SLC25A26: variants seen among roughly 807,000 people sequenced by gnomAD.
SLC25A26 encodes solute carrier family 25 member 26.
A neutral mutation model predicts 37.8 loss-of-function variants in SLC25A26; 36 were observed. The ratio of observed to expected loss-of-function variants is 0.95; its 90% CI spans 0.73 to 1.26. SLC25A26 has a LOEUF of 1.26. Among genes scored for constraint, SLC25A26 ranks in the 50% most tolerant of loss-of-function variants. SLC25A26 has a pLI of 0.00. For missense variants in SLC25A26, 390 were observed against 331.1 expected (o/e 1.18, Z -1.38); for synonymous variants, 129 against 122.5 (o/e 1.05, Z -0.35).
intron 3 of SLC25A26, among the ~76,000 whole-genome samples, chr3:66,257,847 C>T (rs925102063): frequency 1.3e-5 from 2 of 152,096 alleles, no homozygotes; most frequent in Non-Finnish European, 2.9e-5. Flanking sequence ...TAATGGATCT[C>T]CCACCCCAGC....
upstream of SLC25A26, among the ~76,000 whole-genome samples, chr3:66,217,715 A>T (rs1559581126): frequency 6.6e-6 from 1 of 151,732 alleles, no homozygotes; most frequent in East Asian, 1.9e-4. Flanking sequence ...CACTCAGCTA[A>T]TTTTTTCTAT....
intron 5 of SLC25A26, among the ~76,000 whole-genome samples, chr3:66,274,168 A>C (rs2074051462): frequency 6.6e-6 from 1 of 151,360 alleles, no homozygotes. Context: ...CCTATTTAAT[A>C]AATGGTGCTG....
chr3:66,335,619 C>T (rs958484137), intron 5 of SLC25A26, among the ~76,000 whole-genome samples: 5 of 152,158 alleles, frequency 3.3e-5, no homozygotes, highest in Non-Finnish European at 7.4e-5. Flanking sequence ...CCTTTCTTTG[C>T]CTTTCCTCCA....
rs201215555 is a variant in SLC25A26, at chr3:66,346,387, T to A, written c.477T>A (p.Phe159Leu). 8.7e-6 allele frequency: 13 copies of A among 1,492,984 alleles called. No homozygotes were observed. The highest frequency in any genetic ancestry group is 2.7e-6 in the Non-Finnish European group (3 of 1,117,302). The allele number at this position is 1,492,984 out of a possible 1,614,324, so 92.5% of individuals were successfully genotyped here. A position where few individuals can be genotyped will look rare whatever the true frequency, so the allele number is the denominator to read the frequency against. ...AGATTCCTTTTTCTTTGGTCCAGTT[T>A]CCCTTATGGGAGTCCTTAAAAGTAA... ...LREIPFSLVQ[F>L]PLWESLKALW... is the part of the protein sequence containing the mutation. Residue 159 changes from phenylalanine to leucine, a missense_variant, in exon 6 of 10, where the codon TTT (phenylalanine) becomes TTA (leucine). By Grantham distance (22) the Phe-to-Leu change is conservative. Coordinates refer to ENST00000354883, the MANE Select transcript of SLC25A26 (RefSeq NM_001379210.1).
At chr3:66,248,847 G>A (rs577789949) in intron 3 of SLC25A26, among the ~76,000 whole-genome samples, 2 of 152,188 alleles carry the variant, frequency 1.3e-5, no homozygotes, top group Non-Finnish European at 2.9e-5. Flanking sequence ...CATCAGTTGC[G>A]TAGGTAGCTA....
intron 5 of SLC25A26, among the ~76,000 whole-genome samples, chr3:66,340,536 A>T (rs1559716868): frequency 6.6e-6 from 1 of 151,892 alleles, no homozygotes; most frequent in Non-Finnish European, 1.5e-5. Flanking sequence ...AGCTTTATGG[A>T]TTGAGCTTTT....
chr3:66,370,044 C>T (rs1234816805), intron 8 of SLC25A26, among the ~76,000 whole-genome samples: 1 of 152,162 alleles, frequency 6.6e-6, no homozygotes. Flanking sequence ...ACAAAAAAGT[C>T]CTATCTTTGT....
chr3:66,291,798 T>TA (rs2074719625), intron 5 of SLC25A26, among the ~76,000 whole-genome samples: 1 of 152,238 alleles, frequency 6.6e-6, no homozygotes, highest in Non-Finnish European at 1.5e-5. Context: ...TGGAGAGTTC[T>TA]GTAGATGTCT....
At chr3:66,303,524 C>G (rs1364594606) in intron 5 of SLC25A26, among the ~76,000 whole-genome samples, 1 of 152,216 alleles carries the variant, frequency 6.6e-6, no homozygotes, top group African/African-American at 2.4e-5. Flanking sequence ...TGTAGGACTT[C>G]TGAAACTTTA....
At chr3:66,257,627 A>G (rs2073355721) in intron 3 of SLC25A26, among the ~76,000 whole-genome samples, 1 of 152,092 alleles carries the variant, frequency 6.6e-6, no homozygotes, top group Admixed American at 6.6e-5. Flanking sequence ...GTCTTCATGT[A>G]TTATTTCACT....
rs147312470 is a variant in SLC25A26, at chr3:66,239,773, G to C, written c.190+3073G>C. On this transcript the variant is annotated intron_variant, in intron 2 of 9. Coordinates refer to ENST00000354883, the MANE Select transcript of SLC25A26 (RefSeq NM_001379210.1). ...CAGGAAGTGTGAAGTTTTCATGCCT[G>C]CTGGCATAGCTGCAGCGATGGGTTA... Among the ~76,000 whole-genome samples the C allele has an allele frequency of 8.0e-5, 12 of 150,256 alleles. No individual in the cohort carries two copies. The East Asian group carries it at 2.0e-3, about 25-fold the overall frequency.
Position 66,197,743 on chromosome 3 carries a change from C to T in SLC25A26, c.-353-22999C>T, listed in dbSNP as rs1013923517. On this transcript the variant is annotated intron_variant, in intron 1 of 10. Transcript: ENST00000676754. ...TCAGTGTGAGGCTGAAGGTCAAGGT[C>T]AGAGTCAGGTGCAAGACAGGGTTAT... Among the ~76,000 whole-genome samples, 128 of 152,098 alleles carry T rather than the reference C, an allele frequency of 8.4e-4. 3 individuals carry two copies. The East Asian group carries it at 0.018, about 21-fold the overall frequency.
chr3:66,210,213 C>G (rs2071266180), intron 1 of SLC25A26, among the ~76,000 whole-genome samples: 1 of 151,556 alleles, frequency 6.6e-6, no homozygotes, highest in South Asian at 2.1e-4. Context: ...TTGTCTCTGT[C>G]TTCACACATT....
At chr3:66,215,863 G>A (rs1182628906) in intron 1 of SLC25A26, among the ~76,000 whole-genome samples, 2 of 152,166 alleles carry the variant, frequency 1.3e-5, no homozygotes, top group Non-Finnish European at 2.9e-5. Flanking sequence ...ACATACCACT[G>A]ACTAGTTAAT....
intron 3 of SLC25A26, among the ~76,000 whole-genome samples, chr3:66,258,821 T>A (rs1193869955): frequency 6.6e-6 from 1 of 150,410 alleles, no homozygotes; most frequent in Middle Eastern, 3.2e-3. Context: ...CTCATCTCTC[T>A]CTTTTTTCTT....
chr3:66,170,807 T>G (rs1222194524), intron 1 of SLC25A26, among the ~76,000 whole-genome samples: 13 of 131,046 alleles, frequency 9.9e-5, no homozygotes, highest in African/African-American at 3.2e-4. Context: ...TTTTTTTTTT[T>G]TTTTTTTTTT....
At chr3:66,287,871 T>C (rs2074566717) in intron 5 of SLC25A26, among the ~76,000 whole-genome samples, 1 of 152,242 alleles carries the variant, frequency 6.6e-6, no homozygotes, top group Admixed American at 6.5e-5. Flanking sequence ...ATGGAATTAA[T>C]GTGAAGTTTT....
chr3:66,178,634 A>T (rs1302940805), intron 1 of SLC25A26, among the ~76,000 whole-genome samples: 1 of 152,188 alleles, frequency 6.6e-6, no homozygotes, highest in East Asian at 1.9e-4. Flanking sequence ...ACATCGAGGG[A>T]GTAGCATTCC....
chr3:66,214,804 G>C, intron 1 of SLC25A26, among the ~76,000 whole-genome samples: 1 of 151,872 alleles, frequency 6.6e-6, no homozygotes, highest in Non-Finnish European at 1.5e-5. Flanking sequence ...TTGAGACATA[G>C]AAGATGTTTC....
Sources: allele counts gnomAD v4.1 joint callset (sites outside exome capture counted in the v4.1 genomes callset), GRCh38; gene constraint gnomAD v4.1.1; transcripts MANE v1.5; gene names NCBI Gene and HGNC (gene_info 2026-07-23, HGNC 2026-07-21).